The following CCSER1 variants were observed in gnomAD, a reference collection of about 807,000 sequenced individuals.
CCSER1 encodes serine-rich coiled-coil domain-containing protein 1.
Under a neutral mutation model 82.0 loss-of-function variants are expected in CCSER1, and 41 were observed. That is an observed-to-expected ratio of 0.50 (90% confidence interval 0.39 to 0.65). CCSER1 has a LOEUF of 0.65. CCSER1 is among the 30% of genes least tolerant of loss of function. CCSER1 has a pLI of 0.00. For missense variants in CCSER1, 1,119 were observed against 1,064.2 expected (o/e 1.05, Z -0.72); for synonymous variants, 414 against 383.9 (o/e 1.08, Z -0.92).
intron 4 of CCSER1, among the ~76,000 whole-genome samples, chr4:90,435,186 G>A (rs536282598): frequency 6.6e-6 from 1 of 152,078 alleles, no homozygotes; most frequent in Non-Finnish European, 1.5e-5. Context: ...ATATATATGC[G>A]TGAAGAATAG....
At chr4:91,302,517 G>A (rs886716581) in intron 10 of CCSER1, among the ~76,000 whole-genome samples, 4 of 151,838 alleles carry the variant, frequency 2.6e-5, no homozygotes, top group African/African-American at 9.7e-5. Context: ...AATCTTCACA[G>A]GACAGGGGCA....
At chr4:90,459,164 G>A (rs1256518613) in intron 4 of CCSER1, among the ~76,000 whole-genome samples, 2 of 152,126 alleles carry the variant, frequency 1.3e-5, no homozygotes, top group East Asian at 3.9e-4. Flanking sequence ...ACACGATCTA[G>A]TTTTAAATAC....
At chr4:90,404,300 G>A (rs995950005) in intron 4 of CCSER1, among the ~76,000 whole-genome samples, 3 of 152,108 alleles carry the variant, frequency 2.0e-5, no homozygotes, top group Non-Finnish European at 2.9e-5. Context: ...CCCCACAAAA[G>A]TCACAGCAAG....
intron 3 of CCSER1, among the ~76,000 whole-genome samples, chr4:90,355,146 A>C (rs1315165852): frequency 6.6e-6 from 1 of 152,060 alleles, no homozygotes; most frequent in Non-Finnish European, 1.5e-5. Context: ...TAATATATTA[A>C]GCTGTATTTA....
At chr4:90,267,411 G>A (rs1490707938) in intron 1 of CCSER1, among the ~76,000 whole-genome samples, 1 of 152,106 alleles carries the variant, frequency 6.6e-6, no homozygotes, top group East Asian at 1.9e-4. Flanking sequence ...CTGGGGCCTG[G>A]GGACCTTGCA....
In CCSER1 at chr4:91,278,186, G is replaced by T. The variant is rs1021107356; in HGVS notation, c.2217+192192G>T. Among the ~76,000 whole-genome samples the T allele has an allele frequency of 5.3e-5, 8 of 152,184 alleles. No individual in the cohort carries two copies. In the East Asian group the frequency reaches 1.5e-3, roughly 29 times the overall value. ...GAAATAATCCGTAAATGTCTGCTAG[G>T]TCCATTTGGTCTAAAATGCAGTTTA... On this transcript the variant is annotated intron_variant, in intron 10 of 10. Transcript: ENST00000509176.
chr4:91,244,969 T>G (rs2149135514), intron 10 of CCSER1, among the ~76,000 whole-genome samples: 1 of 152,188 alleles, frequency 6.6e-6, no homozygotes, highest in South Asian at 2.1e-4. Context: ...GCATAAATTT[T>G]GGAGTTGAAA....
Position 90,660,930 on chromosome 4 carries a change from TATA to T in CCSER1, c.1932+32700_1932+32702del, listed in dbSNP as rs1438541854. Among the ~76,000 whole-genome samples the T allele has an allele frequency of 3.4e-5, 5 of 147,256 alleles. No homozygotes were observed. In the South Asian group the frequency reaches 1.1e-3, roughly 33 times the overall value. On this transcript the variant is annotated intron_variant, in intron 6 of 10. Coordinates refer to ENST00000509176, the MANE Select transcript of CCSER1 (RefSeq NM_001145065.2). ...CAATTTTGAGATGAAGAGTAAATAA[TATA>T]AATTTTTATAAGACACTTGGCACAT...
intron 1 of CCSER1, among the ~76,000 whole-genome samples, chr4:90,232,576 G>A (rs1385784360): frequency 4.1e-5 from 6 of 146,902 alleles, no homozygotes; most frequent in Non-Finnish European, 8.9e-5. Flanking sequence ...AGGACTTCAT[G>A]TCTAAAACAC....
Position 90,401,141 on chromosome 4 carries a change from G to A in CCSER1, c.1603+1012G>A, listed in dbSNP as rs558275635. Among the ~76,000 whole-genome samples, 42 of 152,110 alleles carry A rather than the reference G, an allele frequency of 2.8e-4. No individual in the cohort carries two copies. The South Asian group carries it at 7.9e-3, about 29-fold the overall frequency. ...GATATTTTCTTACACTCTATTTTAG[G>A]CTAATACCAAACAAGAAACTGCATT... On this transcript the variant is annotated intron_variant, in intron 4 of 10. Transcript: ENST00000509176.
chr4:90,855,881 CT>C (rs1408858459), intron 8 of CCSER1, among the ~76,000 whole-genome samples: 1 of 152,014 alleles, frequency 6.6e-6, no homozygotes, highest in Non-Finnish European at 1.5e-5. Context: ...GCCTCATTGC[CT>C]TCATCTATTA....
At chr4:90,556,538 T>C (rs551899448) in intron 5 of CCSER1, among the ~76,000 whole-genome samples, 1 of 152,212 alleles carries the variant, frequency 6.6e-6, no homozygotes, top group East Asian at 1.9e-4. Flanking sequence ...TATTGTTGAC[T>C]GGAAGACTTA....
At chr4:90,698,946 A>G (rs1168035334) in intron 6 of CCSER1, among the ~76,000 whole-genome samples, 1 of 152,022 alleles carries the variant, frequency 6.6e-6, no homozygotes, top group Admixed American at 6.6e-5. Flanking sequence ...CTCTACAAAT[A>G]AAAAAATTAA....
Position 90,308,957 on chromosome 4 carries a change from A to G in CCSER1, c.673A>G (p.Arg225Gly). The G allele has an allele frequency of 6.2e-7, 1 of 1,613,812 alleles. No homozygotes were observed. The highest frequency in any genetic ancestry group is 8.5e-7 in the Non-Finnish European group (1 of 1,179,834). ...QYQEREPVLV[R>G]ASPSCSVDVT... ...CCAAGAGAGAGAACCTGTATTAGTAAGAGCTTCGCCATCCTGTTCTGTGGA... is the reference window on the plus strand; with the variant it reads ...CCAAGAGAGAGAACCTGTATTAGTAGGAGCTTCGCCATCCTGTTCTGTGGA... Residue 225 changes from arginine (R) to glycine (G), a missense_variant, in exon 2 of 11, where the codon AGA (arginine) becomes GGA (glycine). Physicochemically the swap from Arg to Gly is moderately radical, Grantham distance 125. Coordinates refer to ENST00000509176, the MANE Select transcript of CCSER1 (RefSeq NM_001145065.2).
chr4:90,178,927 T>C (rs1238277076), intron 1 of CCSER1, among the ~76,000 whole-genome samples: 1 of 152,168 alleles, frequency 6.6e-6, no homozygotes, highest in Non-Finnish European at 1.5e-5. Context: ...TAAATAAACA[T>C]TGAATGTCCA....
intron 10 of CCSER1, among the ~76,000 whole-genome samples, chr4:91,219,308 C>CT (rs59884169): frequency 0.48 from 48,031 of 99,618 alleles, 11,572 homozygotes; most frequent in East Asian, 0.65. Flanking sequence ...TACAGTTTGG[C>CT]TTTTTTTTTT....
At chr4:90,467,690 A>T (rs1197856262) in intron 4 of CCSER1, among the ~76,000 whole-genome samples, 2 of 149,994 alleles carry the variant, frequency 1.3e-5, no homozygotes, top group South Asian at 2.1e-4. Flanking sequence ...CTCAAAAAAC[A>T]AAACAAAACC....
At chr4:90,313,959 T>C (rs1735733373) in intron 3 of CCSER1, among the ~76,000 whole-genome samples, 2 of 152,250 alleles carry the variant, frequency 1.3e-5, no homozygotes, top group South Asian at 4.1e-4. Context: ...AAATCACTTA[T>C]GATATCTCTA....
chr4:90,250,746 A>G (rs1009456107), intron 1 of CCSER1, among the ~76,000 whole-genome samples: 1 of 152,068 alleles, frequency 6.6e-6, no homozygotes, highest in African/African-American at 2.4e-5. Context: ...TGCAATTTTA[A>G]AAAGGCAGTT....
Sources: gnomAD v4.1 joint callset for allele counts (sites outside exome capture counted in the v4.1 genomes callset) on GRCh38, gnomAD v4.1.1 for gene constraint, MANE v1.5 for transcripts, NCBI Gene and HGNC (gene_info 2026-07-23, HGNC 2026-07-21) for gene names.